Variants in SPATC1L observed in about 807,000 individuals in gnomAD.
SPATC1L encodes speriolin-like protein.
In SPATC1L, 20 loss-of-function variants were observed where a neutral mutation model predicts 21.2. That is an observed-to-expected ratio of 0.94 (90% CI 0.66 to 1.37). The LOEUF is 1.37. Among genes scored for constraint, SPATC1L ranks in the 40% most tolerant of loss-of-function variants. The probability of loss-of-function intolerance (pLI) is 0.00; values close to 1 mark genes in which losing one functional copy is unlikely to be tolerated. For missense variants in SPATC1L, 499 were observed against 478.7 expected (o/e 1.04, Z -0.40); for synonymous variants, 290 against 234.5 (o/e 1.24, Z -2.16).
chr21:46,165,037 A>G (rs1319842226), intron 3 of SPATC1L, among the ~76,000 whole-genome samples: 1 of 152,224 alleles, frequency 6.6e-6, no homozygotes, highest in African/African-American at 2.4e-5. Context: ...AATTACCACT[A>G]GCAGAAATTA....
intron 2 of SPATC1L, among the ~76,000 whole-genome samples, chr21:46,176,794 A>G (rs1439099407): frequency 1.3e-5 from 2 of 152,232 alleles, no homozygotes; most frequent in Admixed American, 1.3e-4. Context: ...AAAAATTCAT[A>G]TGGAACCAAA....
At chr21:46,170,236 G>T (rs866564130) in intron 2 of SPATC1L, among the ~76,000 whole-genome samples, 8 of 131,364 alleles carry the variant, frequency 6.1e-5, no homozygotes, top group East Asian at 2.1e-4. Context: ...TCTGTGGATG[G>T]GGAGGAGCCC....
intron 4 of SPATC1L, 67 bp downstream of exon 4, chr21:46,161,849 G>C (rs1370844627): frequency 1.7e-5 from 26 of 1,563,366 alleles, no homozygotes; most frequent in Non-Finnish European, 2.2e-5. Context: ...GCCAAGATCT[G>C]GGGGCCGCAC....
chr21:46,165,282 T>C (rs1043695114), intron 3 of SPATC1L, among the ~76,000 whole-genome samples: 1 of 152,232 alleles, frequency 6.6e-6, no homozygotes, highest in Admixed American at 6.5e-5. Context: ...CTGGCCTGCT[T>C]GGGAAGGTCT....
Position 46,168,341 on chromosome 21 carries a change from C to G in SPATC1L, c.511G>C (p.Gly171Arg). The change falls in exon 3 of 5, where the codon GGG (glycine) becomes CGG (arginine). Residue 171 changes from glycine (G) to arginine (R), a missense_variant. Gly to Arg is a moderately radical substitution (Grantham distance 125). Coordinates refer to ENST00000291672, the MANE Select transcript of SPATC1L (RefSeq NM_001142854.2). ...VCFSESSLPT[G>R]DRTRRSYYLN... Reference sequence around the variant, plus strand: ...TAGTAGCTCCTCCTGGTCCTGTCCCCGGTGGGCAGGCTGCTCTCCGAGAAA... The same window carrying G: ...TAGTAGCTCCTCCTGGTCCTGTCCCGGGTGGGCAGGCTGCTCTCCGAGAAA... 1 of 1,596,890 alleles carries G rather than the reference C, an allele frequency of 6.3e-7. No individual in the cohort carries two copies. The highest frequency in any genetic ancestry group is 8.6e-7 in the Non-Finnish European group (1 of 1,166,858).
intron 1 of SPATC1L, among the ~76,000 whole-genome samples, 200 bp downstream of exon 1, chr21:46,184,156 A>G (rs1014892228): frequency 2.0e-5 from 3 of 152,122 alleles, no homozygotes; most frequent in Admixed American, 6.5e-5. Flanking sequence ...CGTGTCTAAG[A>G]CACCAATTGT....
chr21:46,166,020 A>C lies in SPATC1L; in HGVS notation c.544+2288T>G, dbSNP rs552638294. ...AAAGAGGAGGGAAGACCACAAAACA[A>C]TGAGAAAACAAATAACAAAATGGCA... On this transcript the variant is annotated intron_variant, in intron 3 of 4. Transcript: ENST00000291672. 9.2e-5 allele frequency among the ~76,000 whole-genome samples: 14 copies of C among 152,300 alleles called. No homozygotes were observed. In the East Asian group the frequency reaches 1.2e-3, roughly 13 times the overall value.
rs1170678966 is a variant in SPATC1L, at chr21:46,182,642, C to T, written c.175G>A (p.Gly59Ser). Residue 59 changes from glycine to serine, a missense_variant, in exon 2 of 5, where the codon GGC becomes AGC. Transcript: ENST00000291672. The part of the protein sequence containing the change: ...PPRAHAYPEA[G>S]SPGSGVPDFG... ...GCCTCACCTCCGCTCCCGGGGGAGCCGGCCTCAGGGTAGGCATGCGCCCTG... is the reference window on the plus strand; with the variant it reads ...GCCTCACCTCCGCTCCCGGGGGAGCTGGCCTCAGGGTAGGCATGCGCCCTG... 3.2e-5 allele frequency: 48 copies of T among 1,519,754 alleles called. No individual in the cohort carries two copies. The highest frequency in any genetic ancestry group is 3.4e-5 in the Non-Finnish European group (39 of 1,134,676). The allele number at this position is 1,519,754 out of a possible 1,614,324, so 94.1% of individuals were successfully genotyped here. A position where few individuals can be genotyped will look rare whatever the true frequency, so the allele number is the denominator to read the frequency against.
intron 2 of SPATC1L, among the ~76,000 whole-genome samples, chr21:46,178,603 A>G (rs2079649538): frequency 6.6e-6 from 1 of 152,002 alleles, no homozygotes; most frequent in Non-Finnish European, 1.5e-5. Flanking sequence ...AAAGAAATAC[A>G]TGGCCAGGTG....
intron 2 of SPATC1L, among the ~76,000 whole-genome samples, chr21:46,168,938 T>A (rs2079561586): frequency 6.6e-6 from 1 of 152,316 alleles, no homozygotes; most frequent in East Asian, 1.9e-4. Context: ...CCTGCCTGCC[T>A]GTGTGCCCAC....
At chr21:46,170,507 GTCC>G (rs2079578858) in intron 2 of SPATC1L, among the ~76,000 whole-genome samples, 22 of 61,774 alleles carry the variant, frequency 3.6e-4, no homozygotes, top group South Asian at 5.6e-4. Context: ...ATCCTCTGTG[GTCC>G]AGGAGGAGCC....
intron 3 of SPATC1L, among the ~76,000 whole-genome samples, chr21:46,162,821 A>G (rs1299410610): frequency 1.3e-5 from 2 of 152,134 alleles, no homozygotes; most frequent in East Asian, 3.9e-4. Flanking sequence ...TGCTGACCTC[A>G]GGTGATCCGC....
chr21:46,169,031 T>C (rs1216414157), intron 2 of SPATC1L, among the ~76,000 whole-genome samples: 1 of 152,290 alleles, frequency 6.6e-6, no homozygotes, highest in Non-Finnish European at 1.5e-5. Context: ...ACTGAACTTT[T>C]TGCTGCTGCA....
chr21:46,183,116 G>A lies in SPATC1L; in HGVS notation c.-300C>T. The A allele has an allele frequency of 2.4e-6, 1 of 416,462 alleles. No homozygotes were observed. Among genetic ancestry groups the A allele is most frequent in the Non-Finnish European group, 4.3e-6 (1 of 234,030 alleles). 25.8% of individuals were successfully genotyped at this position (416,462 alleles called of 1,614,324 possible). A position where few individuals can be genotyped will look rare whatever the true frequency, so the allele number is the denominator to read the frequency against. On this transcript the variant is annotated 5_prime_UTR_variant, in exon 2 of 5. Transcript: ENST00000291672. The stretch of plus-strand genomic sequence containing the variant: ...GGACATTAGGCAGCTACGGGATGTA[G>A]CGACTGTACTCCAAGAGGGGCGTCC...
At position 46,161,563 on chromosome 21, in the gene SPATC1L, T is replaced by C; in HGVS notation, c.839A>G (p.Asn280Ser). Residue 280 changes from asparagine to serine, a missense_variant, in exon 5 of 5, where the codon AAC becomes AGC. By Grantham distance (46) the Asn-to-Ser change is conservative. Transcript: ENST00000291672. ...VHPAFSEFLI[N>S]TYGILKQRPD... The stretch of plus-strand genomic sequence containing the variant: ...CCGCTGCTTCAGGATTCCGTAGGTG[T>C]TGATGAGGAACTCGCTGAACGCCGG... The C allele has an allele frequency of 1.2e-6, 2 of 1,610,778 alleles. No individual in the cohort carries two copies. Among genetic ancestry groups the C allele is most frequent in the South Asian group, 2.2e-5 (2 of 90,836 alleles).
intron 3 of SPATC1L, 30 bp downstream of exon 3, chr21:46,168,278 C>T (rs747415831): frequency 3.3e-6 from 5 of 1,495,114 alleles, no homozygotes; most frequent in Non-Finnish European, 4.5e-6. Flanking sequence ...CACTGGGGGC[C>T]CCCCCAGGTG....
intron 2 of SPATC1L, among the ~76,000 whole-genome samples, chr21:46,180,732 G>C (rs1320099403): frequency 1.3e-5 from 2 of 152,220 alleles, no homozygotes; most frequent in African/African-American, 4.8e-5. Context: ...TGCCACTCAA[G>C]TGGCAGAGTT....
At chr21:46,173,699 C>A (rs1444098586) in intron 2 of SPATC1L, among the ~76,000 whole-genome samples, 1 of 152,154 alleles carries the variant, frequency 6.6e-6, no homozygotes, top group Non-Finnish European at 1.5e-5. Context: ...CCCACCCATG[C>A]CTATAGTACC....
intron 2 of SPATC1L, among the ~76,000 whole-genome samples, chr21:46,180,976 TC>T (rs1285605499): frequency 3.3e-5 from 5 of 152,124 alleles, no homozygotes; most frequent in African/African-American, 1.2e-4. Context: ...CTGACAAGGG[TC>T]CCTCTGGGGA....
Sources: allele counts gnomAD v4.1 joint callset (sites outside exome capture counted in the v4.1 genomes callset), GRCh38; gene constraint gnomAD v4.1.1; transcripts MANE v1.5; gene names NCBI Gene and HGNC (gene_info 2026-07-23, HGNC 2026-07-21).